Variants in ZDHHC24 observed in about 807,000 individuals in gnomAD.
The protein encoded by ZDHHC24 is zDHHC palmitoyltransferase 24.
Under a neutral mutation model 23.2 loss-of-function variants are expected in ZDHHC24, and 17 were observed. That is an observed-to-expected ratio of 0.73 (90% CI 0.50 to 1.10). The LOEUF is 1.10. Among genes scored for constraint, ZDHHC24 ranks in the 50% least tolerant of loss-of-function variants. ZDHHC24 has a pLI of 0.00. For synonymous variants in ZDHHC24, 186 were observed against 194.5 expected (o/e 0.96, Z 0.36); for missense variants, 366 against 393.0 (o/e 0.93, Z 0.58).
chr11:66,542,581 T>C (rs1170064174), intron 2 of ZDHHC24: 1 of 153,044 alleles, frequency 6.5e-6, no homozygotes, highest in African/African-American at 2.4e-5. Context: ...GACTCATTTT[T>C]GGATTCTGAC....
chr11:66,523,153 A>G (rs760395759), intron 4 of ZDHHC24: 5 of 525,090 alleles, frequency 9.5e-6, no homozygotes, highest in African/African-American at 5.7e-5. Flanking sequence ...AACTCACTGA[A>G]AACTCTGTTA....
chr11:66,523,782 A>G (rs1456248335), intron 4 of ZDHHC24: 2 of 1,613,410 alleles, frequency 1.2e-6, no homozygotes, highest in South Asian at 1.1e-5. Context: ...AACCTCCTGG[A>G]GCAGCATTCC....
downstream of ZDHHC24, chr11:66,532,540 C>T (rs531921898): frequency 6.8e-5 from 11 of 161,466 alleles, no homozygotes; most frequent in South Asian, 1.7e-3. Flanking sequence ...ACTCAGCTTG[C>T]GGGCAAAATA....
In ZDHHC24 at chr11:66,545,669, T is replaced by G. The variant is rs1590799277; in HGVS notation, c.281+54A>C. The G allele has an allele frequency of 3.5e-6, 5 of 1,431,362 alleles. No homozygotes were observed. The African/African-American group carries it at 4.5e-5, about 13-fold the overall frequency. 88.7% of individuals were successfully genotyped at this position (1,431,362 alleles called of 1,614,324 possible). ...CTAACATCTCAGGTCTTGGGGCCCC[T>G]CCCCCCTGTCCAAGGCTCCCACTTC... On this transcript the variant is annotated intron_variant, in intron 1 of 2. Coordinates refer to ENST00000310442, the MANE Select transcript of ZDHHC24 (RefSeq NM_207340.3). The surrounding 1 kb of genome is among the most constrained non-coding windows in gnomAD (Gnocchi z 4.5).
chr11:66,537,619 A>C lies in ZDHHC24; in HGVS notation c.*1910T>G, dbSNP rs1446531154. On this transcript the variant is annotated 3_prime_UTR_variant, in exon 3 of 3. Coordinates refer to ENST00000310442, the MANE Select transcript of ZDHHC24 (RefSeq NM_207340.3). Reference sequence around the variant, plus strand: ...GGGAGGCCAAGGCGGGCAGATCACGAGGTCAGTAGATCAAGACCATCCTGG... The same window carrying C: ...GGGAGGCCAAGGCGGGCAGATCACGCGGTCAGTAGATCAAGACCATCCTGG... The C allele has an allele frequency of 7.0e-6, 1 of 143,026 alleles. No homozygotes were observed. The highest frequency in any genetic ancestry group is 1.5e-5 in the Non-Finnish European group (1 of 65,448). The allele number at this position is 143,026 out of a possible 1,614,324, so 8.9% of individuals were successfully genotyped here. A position where few individuals can be genotyped will look rare whatever the true frequency, so the allele number is the denominator to read the frequency against.
At chr11:66,543,648 C>A (rs1857216080) in intron 2 of ZDHHC24, 56 bp downstream of exon 2, 4 of 1,498,268 alleles carry the variant, frequency 2.7e-6, no homozygotes, top group Admixed American at 2.2e-5. Context: ...GGGCTGTACT[C>A]CCCAGCCCAA....
intron 2 of ZDHHC24, chr11:66,529,859 C>T: frequency 6.2e-7 from 1 of 1,610,876 alleles, no homozygotes; most frequent in Non-Finnish European, 8.5e-7. Flanking sequence ...ACCTGCTGCG[C>T]CTACGTGCTG....
chr11:66,529,359 T>C (rs1474133343), exon 3 of ZDHHC24: 1 of 1,506,208 alleles, frequency 6.6e-7, no homozygotes, highest in Non-Finnish European at 8.9e-7. Flanking sequence ...TGATGGGACC[T>C]CCCTGTGGAG....
intron 3 of ZDHHC24, chr11:66,527,049 C>G (rs554740061): frequency 2.8e-4 from 426 of 1,526,028 alleles, no homozygotes; most frequent in Non-Finnish European, 3.6e-4. Context: ...GGGAAGGGAG[C>G]AGTCACTTCC....
intron 4 of ZDHHC24, chr11:66,526,125 T>G (rs1327210253): frequency 6.2e-7 from 1 of 1,614,204 alleles, no homozygotes; most frequent in Non-Finnish European, 8.5e-7. Context: ...CCACATAGGA[T>G]GCAGTGACCA....
At chr11:66,526,926 G>C in intron 4 of ZDHHC24, 1 of 1,601,166 alleles carries the variant, frequency 6.2e-7, no homozygotes. Flanking sequence ...CAACTAGGTA[G>C]GTCACTCACC....
At chr11:66,523,811 AT>A in intron 4 of ZDHHC24, 3 of 1,613,670 alleles carry the variant, frequency 1.9e-6, no homozygotes, top group Non-Finnish European at 2.5e-6. Flanking sequence ...GCAGGCCGTC[AT>A]GGCTGGGCTG....
intron 4 of ZDHHC24, chr11:66,523,104 G>A (rs775029724): frequency 5.0e-5 from 24 of 475,812 alleles, no homozygotes; most frequent in Non-Finnish European, 8.3e-5. Flanking sequence ...ATAATAAAGT[G>A]CCTAAGTCCA....
At position 66,535,844 on chromosome 11, in the gene ZDHHC24, TAGG is replaced by T. The variant is rs1472995295; in HGVS notation, c.*3682_*3684del. The T allele has an allele frequency of 6.6e-6, 1 of 152,126 alleles. No individual in the cohort carries two copies. Among genetic ancestry groups the T allele is most frequent in the Non-Finnish European group, 1.5e-5 (1 of 68,036 alleles). The allele number at this position is 152,126 out of a possible 1,614,324, so 9.4% of individuals were successfully genotyped here. On this transcript the variant is annotated 3_prime_UTR_variant, in exon 3 of 3. Coordinates refer to ENST00000310442, the MANE Select transcript of ZDHHC24 (RefSeq NM_207340.3). Reference sequence around the variant, plus strand: ...AAGAGCAAGGGCCGAGACTAGAGTTTAGGAGATGATTCCCAAAGGGCACAGGGG... The same window carrying T: ...AAGAGCAAGGGCCGAGACTAGAGTTTAGATGATTCCCAAAGGGCACAGGGG...
chr11:66,522,167 A>T (rs1174045395), intron 4 of ZDHHC24, among the ~76,000 whole-genome samples: 4 of 151,116 alleles, frequency 2.6e-5, no homozygotes, highest in Admixed American at 2.6e-4. Flanking sequence ...CAGTGAGCCG[A>T]GATCACGCCA....
chr11:66,529,691 G>A (rs530843984), intron 2 of ZDHHC24: 5 of 1,225,754 alleles, frequency 4.1e-6, no homozygotes, highest in Non-Finnish European at 5.9e-6. Context: ...CCCAGCTCCT[G>A]CAGACTCCTC....
intron 4 of ZDHHC24, chr11:66,526,717 C>A: frequency 1.2e-6 from 2 of 1,614,178 alleles, no homozygotes; most frequent in South Asian, 1.1e-5. Flanking sequence ...TGAGGTGGGT[C>A]CCCCACCAGC....
Position 66,524,195 on chromosome 11 carries a change from G to A in ZDHHC24, c.*22-2729C>T, listed in dbSNP as rs538105062. 267 of 388,018 alleles carry A rather than the reference G, an allele frequency of 6.9e-4. 4 individuals are homozygous for A. The highest frequency in any genetic ancestry group is 1.2e-4 in the Non-Finnish European group (24 of 201,354). The allele number at this position is 388,018 out of a possible 1,614,324, so 24.0% of individuals were successfully genotyped here. A position where few individuals can be genotyped will look rare whatever the true frequency, so the allele number is the denominator to read the frequency against. On this transcript the variant is annotated intron_variant, in intron 4 of 4. Coordinates refer to the ZDHHC24 transcript ENST00000526986. ...CTCAGGAGGTTGAGGTAGGAGAATC[G>A]CTTGAGCCTGGGAGGCGGAGGTTGC... is the stretch of plus-strand genomic sequence containing the variant.
intron 4 of ZDHHC24, chr11:66,523,348 G>T: frequency 6.7e-7 from 1 of 1,490,392 alleles, no homozygotes; most frequent in East Asian, 2.3e-5. Context: ...TCTGCTTTGG[G>T]GCCAGTGTTC....
Sources: gnomAD v4.1 joint callset for allele counts (sites outside exome capture counted in the v4.1 genomes callset) on GRCh38, gnomAD v4.1.1 for gene constraint, Gnocchi (gnomAD v3.1) non-coding constraint, MANE v1.5 for transcripts, NCBI Gene and HGNC (gene_info 2026-07-23, HGNC 2026-07-21) for gene names.